SEC14L1: variants seen among roughly 807,000 people sequenced by gnomAD.
The protein encoded by SEC14L1 is SEC14 like lipid binding 1, also known as SEC14-like protein 1.
SEC14L1 carries 48 observed loss-of-function variants against 85.3 expected under a neutral mutation model. The observed-to-expected ratio is 0.56, with a 90% CI of 0.45 to 0.72. The LOEUF is 0.72. Among genes scored for constraint, SEC14L1 ranks in the 30% least tolerant of loss-of-function variants. SEC14L1 has a pLI of 0.00. For missense variants in SEC14L1, 682 were observed against 921.4 expected (o/e 0.74, Z 3.36); for synonymous variants, 391 against 355.5 (o/e 1.10, Z -1.12).
In SEC14L1 at chr17:77,142,686, T is replaced by C. The variant is rs1973115101; in HGVS notation, c.-95T>C. On this transcript the variant is annotated 5_prime_UTR_variant, in exon 2 of 17. Transcript: ENST00000436233. ...CTTGAGGATATTCAGTTTTGTATGTTTGAATATCCTCTCACCATGTTCAGC... is the reference window on the plus strand; with the variant it reads ...CTTGAGGATATTCAGTTTTGTATGTCTGAATATCCTCTCACCATGTTCAGC... 1 of 152,200 alleles carries C rather than the reference T, an allele frequency of 6.6e-6. No individual in the cohort carries two copies. The highest frequency in any genetic ancestry group is 2.1e-4 in the South Asian group (1 of 4,844). 9.4% of individuals were successfully genotyped at this position (152,200 alleles called of 1,614,324 possible). A position where few individuals can be genotyped will look rare whatever the true frequency, so the allele number is the denominator to read the frequency against.
At chr17:77,155,182 C>G (rs1270107538) in intron 3 of SEC14L1, among the ~76,000 whole-genome samples, 1 of 152,286 alleles carries the variant, frequency 6.6e-6, no homozygotes, top group Non-Finnish European at 1.5e-5. Context: ...GAGATGCCCC[C>G]CAGGAGCTTC....
chr17:77,199,608 C>CGA (rs1976013988), intron 8 of SEC14L1: 1 of 152,360 alleles, frequency 6.6e-6, no homozygotes, highest in Non-Finnish European at 1.5e-5. Context: ...GTCCTGCTCT[C>CGA]TCTTTATTCT....
Position 77,214,229 on chromosome 17 carries a change from C to T in SEC14L1, c.*206C>T, listed in dbSNP as rs907220509. 14 of 1,382,944 alleles carry T rather than the reference C, an allele frequency of 1.0e-5. No individual in the cohort carries two copies. In the East Asian group the frequency reaches 3.8e-4, roughly 37 times the overall value. The allele number at this position is 1,382,944 out of a possible 1,614,324, so 85.7% of individuals were successfully genotyped here. On this transcript the variant is annotated 3_prime_UTR_variant, in exon 17 of 17. Coordinates refer to ENST00000436233, the MANE Select transcript of SEC14L1 (RefSeq NM_001143998.2). ...TCTGATCCTAACTTAACTCAATAGC[C>T]ATAGATTTTGTATACGTTGTGCACA...
rs759963930 is a variant in SEC14L1, at chr17:77,200,494, A to T, written c.830A>T (p.Asp277Val). Reference sequence around the variant, plus strand: ...TTTTTCTCTTAATAGATTCCAAAAGATGAGCATATTCTTCGGTTCCTCCGT... The same window carrying T: ...TTTTTCTCTTAATAGATTCCAAAAGTTGAGCATATTCTTCGGTTCCTCCGT... ...QETHKGKIPK[D>V]EHILRFLRAR... is the part of the protein sequence containing the mutation. Residue 277 changes from aspartate (D) to valine (V), a missense_variant, in exon 9 of 17, where the codon GAT becomes GTT. Physicochemically the swap from Asp to Val is radical, Grantham distance 152. Coordinates refer to ENST00000436233, the MANE Select transcript of SEC14L1 (RefSeq NM_001143998.2). 6.2e-7 allele frequency: 1 copy of T among 1,612,790 alleles called. No homozygotes were observed. The highest frequency in any genetic ancestry group is 1.7e-5 in the Admixed American group (1 of 59,736).
chr17:77,147,709 C>T (rs1422179510), intron 3 of SEC14L1, among the ~76,000 whole-genome samples: 3 of 152,206 alleles, frequency 2.0e-5, no homozygotes, highest in Non-Finnish European at 4.4e-5. Context: ...ATCAAAACTT[C>T]TTGGCCACAC....
chr17:77,123,586 GT>G (rs1019527043), intron 3 of SEC14L1, among the ~76,000 whole-genome samples: 30 of 145,632 alleles, frequency 2.1e-4, no homozygotes, highest in African/African-American at 6.3e-4. Context: ...TATTTTCTTT[GT>G]TTTTTTTTTG....
At chr17:77,160,705 G>A (rs1239394896) in intron 3 of SEC14L1, among the ~76,000 whole-genome samples, 1 of 152,070 alleles carries the variant, frequency 6.6e-6, no homozygotes, top group Non-Finnish European at 1.5e-5. Flanking sequence ...TCTCTAACAG[G>A]GATTGGTTGT....
At chr17:77,159,434 G>A (rs1973961961) in intron 3 of SEC14L1, among the ~76,000 whole-genome samples, 1 of 147,322 alleles carries the variant, frequency 6.8e-6, no homozygotes, top group Non-Finnish European at 1.5e-5. Context: ...AGGCTGGAGT[G>A]CAGTGGTGCG....
At chr17:77,203,985 C>T (rs1181537793) in intron 10 of SEC14L1, among the ~76,000 whole-genome samples, 1 of 152,170 alleles carries the variant, frequency 6.6e-6, no homozygotes, top group East Asian at 1.9e-4. Context: ...AGCATTCTTT[C>T]CACTGGCCCT....
At chr17:77,171,716 A>T (rs1204210861) in intron 3 of SEC14L1, among the ~76,000 whole-genome samples, 1 of 152,260 alleles carries the variant, frequency 6.6e-6, no homozygotes, top group Non-Finnish European at 1.5e-5. Flanking sequence ...TAATGCAAAC[A>T]GCTCACATGT....
chr17:77,199,748 CGAAAAT>C (rs780905698), intron 8 of SEC14L1, among the ~76,000 whole-genome samples: 84 of 152,124 alleles, frequency 5.5e-4, no homozygotes, highest in Non-Finnish European at 1.1e-3. Context: ...TTTGCGGAAA[CGAAAAT>C]GAAATACTAT....
intron 3 of SEC14L1, among the ~76,000 whole-genome samples, chr17:77,107,824 GAT>G (rs1734714294): frequency 6.6e-6 from 1 of 152,208 alleles, no homozygotes; most frequent in South Asian, 2.1e-4. Flanking sequence ...CACTATCACA[GAT>G]GCCTGAAAGT....
At chr17:77,175,072 A>G (rs1974690390) in intron 3 of SEC14L1, among the ~76,000 whole-genome samples, 1 of 152,226 alleles carries the variant, frequency 6.6e-6, no homozygotes, top group African/African-American at 2.4e-5. Context: ...GACTTGTGTG[A>G]GCATGTCAGG....
chr17:77,099,054 T>C (rs750254508), intron 3 of SEC14L1: 1 of 152,176 alleles, frequency 6.6e-6, no homozygotes, highest in Non-Finnish European at 1.5e-5. Flanking sequence ...CAAGTTCTTT[T>C]TATTGCAATG....
chr17:77,151,173 T>G (rs1019074365), intron 3 of SEC14L1, among the ~76,000 whole-genome samples: 61 of 152,278 alleles, frequency 4.0e-4, no homozygotes, highest in African/African-American at 1.4e-3. Flanking sequence ...AAACCCAACT[T>G]TGTTCAAGTC....
At chr17:77,148,960 G>C (rs1973435279) in intron 3 of SEC14L1, among the ~76,000 whole-genome samples, 1 of 152,178 alleles carries the variant, frequency 6.6e-6, no homozygotes, top group African/African-American at 2.4e-5. Flanking sequence ...TTTCTGTCTT[G>C]TTCCCGTTGG....
chr17:77,097,694 C>T (rs1751834549), intron 3 of SEC14L1, among the ~76,000 whole-genome samples: 1 of 152,188 alleles, frequency 6.6e-6, no homozygotes, highest in African/African-American at 2.4e-5. Flanking sequence ...TGTACGTTCT[C>T]TGGCTTATTA....
chr17:77,152,323 G>C (rs1274540610), intron 3 of SEC14L1, among the ~76,000 whole-genome samples: 3 of 152,064 alleles, frequency 2.0e-5, no homozygotes, highest in African/African-American at 4.8e-5. Flanking sequence ...ATCATTTGAG[G>C]TCAGGAGTTT....
At chr17:77,173,360 C>G (rs1033526733) in intron 3 of SEC14L1, among the ~76,000 whole-genome samples, 4 of 110,292 alleles carry the variant, frequency 3.6e-5, no homozygotes, top group South Asian at 2.8e-4. Context: ...GGGGGCACAA[C>G]GTGAGTCGGG....
Sources: gnomAD v4.1 joint callset for allele counts (sites outside exome capture counted in the v4.1 genomes callset) on GRCh38, gnomAD v4.1.1 for gene constraint, MANE v1.5 for transcripts, NCBI Gene and HGNC (gene_info 2026-07-23, HGNC 2026-07-21) for gene names.